The following AKAP13 variants were observed in gnomAD, a reference collection of about 807,000 sequenced individuals.
AKAP13 encodes the protein A-kinase anchoring protein 13.
In AKAP13, 80 loss-of-function variants were observed where a neutral mutation model predicts 264.5. The ratio of observed to expected loss-of-function variants is 0.30; its 90% CI spans 0.25 to 0.36. The LOEUF (loss-of-function observed/expected upper bound fraction) is 0.36, where lower values mean the gene tolerates loss of function less well. AKAP13 is among the 10% of genes least tolerant of loss of function. The pLI is 1.00. For synonymous variants in AKAP13, 1,380 were observed against 1,250.2 expected (o/e 1.10, Z -2.19); for missense variants, 3,712 against 3,435.2 (o/e 1.08, Z -2.01).
In AKAP13 at chr15:85,435,223, A is replaced by G. The variant is rs1371168107; in HGVS notation, c.-11-50487A>G. On this transcript the variant is annotated intron_variant, in intron 1 of 36. Transcript: ENST00000394518. ...ATCAACTGGAAGAAAGGGTATCAGC[A>G]ATGGAAGATGAATGAAATGAAGCGA... is the stretch of plus-strand genomic sequence containing the variant. Among the ~76,000 whole-genome samples, 19 of 150,610 alleles carry G rather than the reference A, an allele frequency of 1.3e-4. No individual in the cohort carries two copies. The South Asian group carries it at 3.0e-3, about 24-fold the overall frequency.
At chr15:85,712,742 C>G (rs2086699235) in intron 19 of AKAP13, among the ~76,000 whole-genome samples, 1 of 152,158 alleles carries the variant, frequency 6.6e-6, no homozygotes, top group South Asian at 2.1e-4. Context: ...TAGGGTTTCA[C>G]CATGTTGGCT....
chr15:85,587,636 AC>A (rs2079414557), intron 8 of AKAP13, among the ~76,000 whole-genome samples: 1 of 152,008 alleles, frequency 6.6e-6, no homozygotes, highest in African/African-American at 2.4e-5. Context: ...AAAGCTATTA[AC>A]TTTTATTTTA....
chr15:85,470,135 A>C (rs183387941), intron 1 of AKAP13, among the ~76,000 whole-genome samples: 1 of 152,118 alleles, frequency 6.6e-6, no homozygotes, highest in Admixed American at 6.5e-5. Context: ...AAAAAATACA[A>C]AAAATTAGCC....
At chr15:85,686,598 T>C (rs536297891) in intron 16 of AKAP13, among the ~76,000 whole-genome samples, 2 of 144,018 alleles carry the variant, frequency 1.4e-5, no homozygotes, top group South Asian at 4.3e-4. Flanking sequence ...AGCCTTGTTT[T>C]ATAATTCCAA....
chr15:85,738,844 C>CAAAAAAA (rs71468137), intron 33 of AKAP13, among the ~76,000 whole-genome samples: 3 of 72,426 alleles, frequency 4.1e-5, no homozygotes, highest in South Asian at 4.8e-4. Flanking sequence ...GACTCCGTCT[C>CAAAAAAA]AAAAAAAAAA....
At chr15:85,665,940 G>A (rs2083571323) in intron 13 of AKAP13, among the ~76,000 whole-genome samples, 1 of 152,144 alleles carries the variant, frequency 6.6e-6, no homozygotes, top group Non-Finnish European at 1.5e-5. Flanking sequence ...GGACATTTGG[G>A]TTGGTTCCAA....
intron 19 of AKAP13, among the ~76,000 whole-genome samples, chr15:85,711,292 C>G (rs1432003044): frequency 6.6e-6 from 1 of 152,158 alleles, no homozygotes; most frequent in Non-Finnish European, 1.5e-5. Flanking sequence ...CCATTCACAT[C>G]AAACCATTTT....
At chr15:85,533,282 A>G (rs2077297496) in intron 3 of AKAP13, among the ~76,000 whole-genome samples, 1 of 152,248 alleles carries the variant, frequency 6.6e-6, no homozygotes, top group Non-Finnish European at 1.5e-5. Context: ...CAAATTGAAT[A>G]GCCCTTGTTG....
intron 2 of AKAP13, among the ~76,000 whole-genome samples, chr15:85,516,285 G>A (rs904978183): frequency 3.3e-5 from 5 of 152,164 alleles, no homozygotes; most frequent in African/African-American, 1.2e-4. Context: ...GACCTTATGA[G>A]ATAAGGTTGA....
At chr15:85,587,296 TATAACACA>T (rs2079401509) in intron 8 of AKAP13, among the ~76,000 whole-genome samples, 1 of 152,244 alleles carries the variant, frequency 6.6e-6, no homozygotes, top group South Asian at 2.1e-4. Flanking sequence ...ATGTAAATGG[TATAACACA>T]ATATGTGATC....
At chr15:85,642,534 C>T (rs1239820014) in intron 9 of AKAP13, among the ~76,000 whole-genome samples, 2 of 152,212 alleles carry the variant, frequency 1.3e-5, no homozygotes, top group Non-Finnish European at 2.9e-5. Context: ...TTTAGGGATT[C>T]CCCCCACCTC....
chr15:85,504,503 C>CAAAAAAAA lies in AKAP13; in HGVS notation c.34-16900_34-16893dup, dbSNP rs566579814. Among the ~76,000 whole-genome samples, 429 of 90,978 alleles carry CAAAAAAAA rather than the reference C, an allele frequency of 4.7e-3. 23 individuals are homozygous for CAAAAAAAA. Among genetic ancestry groups the CAAAAAAAA allele is most frequent in the East Asian group, 0.013 (30 of 2,256 alleles). 59.7% of individuals were successfully genotyped at this position (90,978 alleles called of 152,430 possible). On this transcript the variant is annotated intron_variant, in intron 2 of 36. Transcript: ENST00000394518. The stretch of plus-strand genomic sequence containing the variant: ...GCGATGTGGTGAGACCCTGTCTTTA[C>CAAAAAAAA]AAAAAAAAAAAAAAAAAAAAAAAAA...
chr15:85,558,582 C>G (rs1057510383), intron 5 of AKAP13, among the ~76,000 whole-genome samples: 1 of 152,098 alleles, frequency 6.6e-6, no homozygotes, highest in Non-Finnish European at 1.5e-5. Context: ...AGCTAGTTTA[C>G]AGAGTGATGA....
intron 1 of AKAP13, among the ~76,000 whole-genome samples, chr15:85,436,557 A>G (rs1288736328): frequency 6.7e-6 from 1 of 149,418 alleles, no homozygotes; most frequent in African/African-American, 2.5e-5. Context: ...AATTGACCAC[A>G]TAGTTGGAAG....
intron 1 of AKAP13, among the ~76,000 whole-genome samples, chr15:85,458,315 A>T (rs763066615): frequency 6.6e-6 from 1 of 151,324 alleles, no homozygotes; most frequent in Non-Finnish European, 1.5e-5. Context: ...CCATAATTGT[A>T]ATTTCTAGGA....
At chr15:85,643,859 C>T (rs546192358) in intron 9 of AKAP13, among the ~76,000 whole-genome samples, 48 of 152,248 alleles carry the variant, frequency 3.2e-4, no homozygotes, top group African/African-American at 1.1e-3. Context: ...CCCATTACTA[C>T]GTACACATTT....
chr15:85,595,495 T>C (rs1336114040), intron 8 of AKAP13, among the ~76,000 whole-genome samples: 1 of 152,186 alleles, frequency 6.6e-6, no homozygotes, highest in African/African-American at 2.4e-5. Flanking sequence ...ACAGATATAA[T>C]CACAATACAT....
intron 8 of AKAP13, among the ~76,000 whole-genome samples, chr15:85,633,837 C>A (rs1257052336): frequency 1.3e-5 from 2 of 151,932 alleles, no homozygotes; most frequent in Non-Finnish European, 2.9e-5. Flanking sequence ...AGCCACTGCA[C>A]CCGGCCTTTT....
chr15:85,381,819 T>C (rs1263725564), intron 1 of AKAP13: 1 of 152,130 alleles, frequency 6.6e-6, no homozygotes, highest in Non-Finnish European at 1.5e-5. Flanking sequence ...CCTTTTTTTT[T>C]GTTAGTAGTC....
Sources: gnomAD v4.1 joint callset for allele counts (sites outside exome capture counted in the v4.1 genomes callset) on GRCh38, gnomAD v4.1.1 for gene constraint, MANE v1.5 for transcripts, NCBI Gene and HGNC (gene_info 2026-07-23, HGNC 2026-07-21) for gene names.